The following UNC13C variants were observed in gnomAD, a reference collection of about 807,000 sequenced individuals.
UNC13C encodes the protein unc-13 homolog C, also known as protein unc-13 homolog C.
UNC13C carries 174 observed loss-of-function variants against 245.4 expected under a neutral mutation model. The observed-to-expected ratio is 0.71, with a 90% CI of 0.63 to 0.80. The LOEUF is 0.80. Among genes scored for constraint, UNC13C ranks in the 30% least tolerant of loss-of-function variants. The probability of loss-of-function intolerance (pLI) is 0.00; values close to 1 mark genes in which losing one functional copy is unlikely to be tolerated. For missense variants in UNC13C, 2,829 were observed against 2,602.9 expected, an observed-to-expected ratio of 1.09 and a Z score of -1.89; for synonymous variants, 992 against 895.1, an observed-to-expected ratio of 1.11 and a Z score of -1.93.
At chr15:54,350,528 C>T (rs1179720048) in intron 17 of UNC13C, among the ~76,000 whole-genome samples, 1 of 151,990 alleles carries the variant, frequency 6.6e-6, no homozygotes, top group African/African-American at 2.4e-5. Flanking sequence ...TCTCCTCCAA[C>T]TCAAAGAAAA....
At chr15:54,091,599 C>G (rs1899576627) in intron 2 of UNC13C, among the ~76,000 whole-genome samples, 1 of 151,850 alleles carries the variant, frequency 6.6e-6, no homozygotes, top group Non-Finnish European at 1.5e-5. Flanking sequence ...GTGTTTATTT[C>G]TATAGATTTT....
chr15:54,036,719 T>A (rs1370377297), intron 2 of UNC13C, among the ~76,000 whole-genome samples: 1 of 152,250 alleles, frequency 6.6e-6, no homozygotes, highest in Non-Finnish European at 1.5e-5. Context: ...TTTCTTCTCA[T>A]CCACCTTCAT....
At chr15:54,521,145 T>C (rs1455500199) in intron 24 of UNC13C, among the ~76,000 whole-genome samples, 1 of 152,176 alleles carries the variant, frequency 6.6e-6, no homozygotes, top group African/African-American at 2.4e-5. Context: ...TTCATGGAAC[T>C]AGAGGTGAAA....
At chr15:53,934,742 C>A in the UNC13C span, among the ~76,000 whole-genome samples, 4 of 152,292 alleles carry the variant, frequency 2.6e-5, no homozygotes, top group African/African-American at 9.6e-5. Flanking sequence ...GGCACCGACA[C>A]AGTCAGTGTC....
intron 22 of UNC13C, among the ~76,000 whole-genome samples, chr15:54,505,586 T>C (rs952734585): frequency 2.0e-5 from 3 of 152,124 alleles, no homozygotes; most frequent in African/African-American, 4.8e-5. Context: ...TGTGTGATAG[T>C]GGTTTACTTA....
At chr15:54,306,664 A>G (rs1379588292) in intron 13 of UNC13C, among the ~76,000 whole-genome samples, 3 of 151,970 alleles carry the variant, frequency 2.0e-5, no homozygotes, top group African/African-American at 7.2e-5. Context: ...TGAGTGTTTA[A>G]TCAGTCATTT....
intron 29 of UNC13C, among the ~76,000 whole-genome samples, chr15:54,561,368 T>C (rs1897292319): frequency 6.6e-6 from 1 of 152,000 alleles, no homozygotes; most frequent in Non-Finnish European, 1.5e-5. Context: ...ATTAAAAATA[T>C]CATAAAGTTT....
chr15:54,137,906 TA>T (rs1223109449), intron 2 of UNC13C, among the ~76,000 whole-genome samples: 1 of 152,158 alleles, frequency 6.6e-6, no homozygotes, highest in Non-Finnish European at 1.5e-5. Context: ...TTCTTTGAAG[TA>T]AAAATTTAGG....
chr15:54,058,117 A>T (rs1055260710), intron 2 of UNC13C, among the ~76,000 whole-genome samples: 2 of 152,192 alleles, frequency 1.3e-5, no homozygotes, highest in African/African-American at 4.8e-5. Flanking sequence ...AGATCAGAGC[A>T]GAACTGAAGG....
intron 22 of UNC13C, among the ~76,000 whole-genome samples, chr15:54,504,654 T>G (rs1324671597): frequency 6.6e-6 from 1 of 152,188 alleles, no homozygotes; most frequent in Non-Finnish European, 1.5e-5. Flanking sequence ...TAAAATACAT[T>G]ACATAAATCC....
In UNC13C at chr15:54,296,391, T is replaced by TTTTTTTTTTTTTTG. The variant is rs529076917; in HGVS notation, c.3989-1419_3989-1418insTTTTTTTTTTTTGT. 2.2e-3 allele frequency among the ~76,000 whole-genome samples: 307 copies of TTTTTTTTTTTTTTG among 137,778 alleles called. 1 individual carries two copies. The highest frequency in any genetic ancestry group is 3.0e-3 in the Non-Finnish European group (197 of 65,964). The allele number at this position is 137,778 out of a possible 152,430, so 90.4% of individuals were successfully genotyped here. On this transcript the variant is annotated intron_variant, in intron 11 of 32. Transcript: ENST00000260323. ...AATTTTTTTTTTTTTTTATTTTTTT[T>TTTTTTTTTTTTTTG]TATTTTTTAGTGGAGACGGGGTTTC...
At chr15:54,538,857 C>G (rs554732222) in intron 26 of UNC13C, among the ~76,000 whole-genome samples, 14 of 151,786 alleles carry the variant, frequency 9.2e-5, no homozygotes, top group African/African-American at 2.9e-4. Context: ...GAGTGGAGGG[C>G]GGGAGGAGGG....
intron 4 of UNC13C, among the ~76,000 whole-genome samples, chr15:54,189,148 C>T (rs1440940051): frequency 6.6e-6 from 1 of 152,090 alleles, no homozygotes; most frequent in African/African-American, 2.4e-5. Flanking sequence ...CATCTGTATT[C>T]ATATGAGACT....
chr15:54,101,770 G>C (rs1382461079), intron 2 of UNC13C, among the ~76,000 whole-genome samples: 1 of 151,934 alleles, frequency 6.6e-6, no homozygotes, highest in African/African-American at 2.4e-5. Context: ...ATTTTTAGTA[G>C]AGATGGGGTT....
At chr15:53,842,952 T>C in the UNC13C span, among the ~76,000 whole-genome samples, 2 of 150,006 alleles carry the variant, frequency 1.3e-5, no homozygotes, top group South Asian at 4.2e-4. Context: ...AAAAAGTTCT[T>C]TGCAATTTAA....
At chr15:53,919,908 ATAAAAT>A in the UNC13C span, among the ~76,000 whole-genome samples, 1 of 152,206 alleles carries the variant, frequency 6.6e-6, no homozygotes, top group African/African-American at 2.4e-5. Context: ...CACAACAAAA[ATAAAAT>A]TAAAATATTA....
chr15:54,310,473 A>G (rs577350792), intron 13 of UNC13C, among the ~76,000 whole-genome samples: 22 of 151,966 alleles, frequency 1.4e-4, no homozygotes, highest in African/African-American at 5.3e-4. Context: ...ATAGAATCAA[A>G]TGCTCATGGT....
chr15:53,960,439 G>C, the UNC13C span, among the ~76,000 whole-genome samples: 12 of 149,922 alleles, frequency 8.0e-5, no homozygotes, highest in East Asian at 2.3e-3. Context: ...TCTTTGTCTT[G>C]TTCAAAGTTT....
intron 4 of UNC13C, among the ~76,000 whole-genome samples, chr15:54,175,870 A>C (rs1354625948): frequency 6.6e-6 from 1 of 152,112 alleles, no homozygotes; most frequent in Non-Finnish European, 1.5e-5. Flanking sequence ...TGGTTATAAA[A>C]CTGGTTATGA....
Sources: gnomAD v4.1 joint callset for allele counts (sites outside exome capture counted in the v4.1 genomes callset) on GRCh38, gnomAD v4.1.1 for gene constraint, MANE v1.5 for transcripts, NCBI Gene and HGNC (gene_info 2026-07-23, HGNC 2026-07-21) for gene names.